HDAC9: variants seen among roughly 807,000 people sequenced by gnomAD.
The protein encoded by HDAC9 is histone deacetylase 9.
In HDAC9, 41 loss-of-function variants were observed where a neutral mutation model predicts 139.4. That is an observed-to-expected ratio of 0.29 (90% CI 0.23 to 0.38). HDAC9 has a LOEUF of 0.38. HDAC9 is among the 10% of genes least tolerant of loss of function. HDAC9 has a pLI of 1.00. For missense variants in HDAC9, 1,147 were observed against 1,297.0 expected (o/e 0.88, Z 1.78); for synonymous variants, 517 against 476.2 (o/e 1.09, Z -1.12).
chr7:18,976,660 T>G (rs575694294), intron 25 of HDAC9, among the ~76,000 whole-genome samples: 5 of 152,232 alleles, frequency 3.3e-5, no homozygotes, highest in Non-Finnish European at 5.9e-5. Flanking sequence ...AGTTTGTGCA[T>G]TTGGTGTTCA....
intron 6 of HDAC9, among the ~76,000 whole-genome samples, chr7:18,599,065 G>A (rs1447112543): frequency 1.3e-5 from 2 of 152,210 alleles, no homozygotes; most frequent in Non-Finnish European, 2.9e-5. Context: ...TTCATCGTAG[G>A]AGGAAGTCTG....
At chr7:18,671,278 A>C (rs549565205) in intron 12 of HDAC9, among the ~76,000 whole-genome samples, 59 of 152,120 alleles carry the variant, frequency 3.9e-4, no homozygotes, top group African/African-American at 1.4e-3. Flanking sequence ...ATTCTAATAG[A>C]AAGATGCATA....
chr7:18,132,769 A>G (rs1014020517), intron 1 of HDAC9, among the ~76,000 whole-genome samples: 6 of 152,204 alleles, frequency 3.9e-5, no homozygotes, highest in Non-Finnish European at 7.3e-5. Context: ...TGTCAGTAAA[A>G]TAAAGAGTTG....
chr7:18,832,442 T>C (rs1795920667), intron 19 of HDAC9, among the ~76,000 whole-genome samples: 1 of 152,316 alleles, frequency 6.6e-6, no homozygotes, highest in South Asian at 2.1e-4. Context: ...AATATACAGG[T>C]TCTAAATCCT....
chr7:18,916,192 A>G (rs372518747), intron 22 of HDAC9, among the ~76,000 whole-genome samples: 1 of 152,012 alleles, frequency 6.6e-6, no homozygotes, highest in African/African-American at 2.4e-5. Context: ...TAGCGTGAAT[A>G]TGAAATGTCA....
intron 1 of HDAC9, among the ~76,000 whole-genome samples, chr7:18,404,912 C>G (rs1234674496): frequency 6.6e-6 from 1 of 152,178 alleles, no homozygotes; most frequent in Non-Finnish European, 1.5e-5. Context: ...GTGTCCAGAG[C>G]TCACCCCAGC....
intron 1 of HDAC9, among the ~76,000 whole-genome samples, chr7:18,337,416 C>G (rs1427991303): frequency 6.6e-6 from 1 of 151,646 alleles, no homozygotes; most frequent in African/African-American, 2.4e-5. Flanking sequence ...GTCTAAAAAG[C>G]AGCTTATTTT....
rs1440934495 is a variant in HDAC9, at chr7:18,585,456, A to G, written c.198A>G (p.Ala66=). ...AAATCCAGAAGCAGCTTCTGATAGC[A>G]GAGTTTCAGAAACAGCATGAGAACT... is the stretch of plus-strand genomic sequence containing the variant. ...QQQIQKQLLI[A]EFQKQHENLT... The change falls in exon 3 of 26, where the codon GCA becomes GCG. Residue 66 remains alanine, a synonymous_variant. Coordinates refer to ENST00000686413, the MANE Select transcript of HDAC9 (RefSeq NM_178425.4). 6.2e-7 allele frequency: 1 copy of G among 1,613,930 alleles called. No homozygotes were observed. Among genetic ancestry groups the G allele is most frequent in the Non-Finnish European group, 8.5e-7 (1 of 1,179,818 alleles).
At chr7:18,781,364 C>G (rs1297859485) in intron 16 of HDAC9, among the ~76,000 whole-genome samples, 1 of 151,930 alleles carries the variant, frequency 6.6e-6, no homozygotes, top group Non-Finnish European at 1.5e-5. Flanking sequence ...TAACTTTGGT[C>G]AAGTTACTTA....
At chr7:18,466,127 T>A (rs1794255044) in intron 1 of HDAC9, among the ~76,000 whole-genome samples, 1 of 152,200 alleles carries the variant, frequency 6.6e-6, no homozygotes, top group South Asian at 2.1e-4. Context: ...AGCTACTGTG[T>A]TCTTAACGAT....
chr7:18,672,400 G>C (rs897231817), intron 12 of HDAC9, among the ~76,000 whole-genome samples: 2 of 151,944 alleles, frequency 1.3e-5, no homozygotes, highest in African/African-American at 4.8e-5. Context: ...TAGTTGGCTT[G>C]CTTGTCTTTT....
chr7:18,586,553 G>A (rs1829516303), intron 3 of HDAC9, among the ~76,000 whole-genome samples: 1 of 152,050 alleles, frequency 6.6e-6, no homozygotes, highest in South Asian at 2.1e-4. Flanking sequence ...GATAACTGAT[G>A]TTACTAGTAT....
intron 2 of HDAC9, among the ~76,000 whole-genome samples, chr7:18,237,016 A>G (rs1332617040): frequency 6.6e-6 from 1 of 152,180 alleles, no homozygotes; most frequent in Non-Finnish European, 1.5e-5. Context: ...GTTCTGGGCA[A>G]GCCAGTAGAG....
intron 1 of HDAC9, among the ~76,000 whole-genome samples, chr7:18,357,555 A>G (rs566042897): frequency 6.6e-6 from 1 of 151,838 alleles, no homozygotes; most frequent in African/African-American, 2.4e-5. Context: ...ACAGTATATA[A>G]ACAAAAAATA....
chr7:18,182,756 T>A (rs1356287522), intron 2 of HDAC9, among the ~76,000 whole-genome samples: 2 of 152,218 alleles, frequency 1.3e-5, no homozygotes, highest in East Asian at 3.9e-4. Flanking sequence ...TTTGTATTGT[T>A]AACCACAGTT....
chr7:18,145,635 G>T (rs763373587), intron 1 of HDAC9, among the ~76,000 whole-genome samples: 24 of 152,148 alleles, frequency 1.6e-4, no homozygotes, highest in Non-Finnish European at 2.9e-4. Context: ...CACTCCAGAA[G>T]ACTGACTGGA....
chr7:18,967,516 A>G (rs1783949898), intron 24 of HDAC9, among the ~76,000 whole-genome samples: 1 of 141,620 alleles, frequency 7.1e-6, no homozygotes, highest in South Asian at 2.6e-4. Flanking sequence ...CAAAAAAAAA[A>G]AAGCAGGGTG....
At position 18,152,454 on chromosome 7, in the gene HDAC9, G is replaced by A. The variant is rs1254413030; in HGVS notation, c.-96-9775G>A. Among the ~76,000 whole-genome samples, 5 of 152,124 alleles carry A rather than the reference G, an allele frequency of 3.3e-5. No individual in the cohort carries two copies. In the East Asian group the frequency reaches 5.8e-4, roughly 18 times the overall value. ...GTTTCTTAATTGTTCATATGCATAT[G>A]TTGTTTCTCTTGTGCTTCTCATACT... On this transcript the variant is annotated intron_variant, in intron 1 of 12. Transcript: ENST00000417496.
intron 22 of HDAC9, among the ~76,000 whole-genome samples, chr7:18,924,344 A>T (rs1804023407): frequency 6.6e-6 from 1 of 152,124 alleles, no homozygotes; most frequent in African/African-American, 2.4e-5. Context: ...GAGGCATTTC[A>T]TATTTAGTTA....
Sources: allele counts gnomAD v4.1 joint callset (sites outside exome capture counted in the v4.1 genomes callset), GRCh38; gene constraint gnomAD v4.1.1; transcripts MANE v1.5; gene names NCBI Gene and HGNC (gene_info 2026-07-23, HGNC 2026-07-21).